The following SETDB2 variants were observed in gnomAD, a reference collection of about 807,000 sequenced individuals.
The protein encoded by SETDB2 is histone-lysine N-methyltransferase SETDB2.
A neutral mutation model predicts 82.5 loss-of-function variants in SETDB2; 56 were observed. That is an observed-to-expected ratio of 0.68 (90% confidence interval 0.55 to 0.85). SETDB2 has a LOEUF of 0.85. Ranked by LOEUF, SETDB2 falls within the 40% of genes least tolerant of loss-of-function variation. SETDB2 has a pLI of 0.00. For missense variants in SETDB2, 677 were observed against 816.4 expected (o/e 0.83, Z 2.08); for synonymous variants, 272 against 284.9 (o/e 0.95, Z 0.46).
chr13:49,448,754 T>C (rs1239550969), intron 1 of SETDB2, among the ~76,000 whole-genome samples: 1 of 152,214 alleles, frequency 6.6e-6, no homozygotes, highest in Non-Finnish European at 1.5e-5. Flanking sequence ...CTATATATTT[T>C]TTGGATTAAG....
At chr13:49,459,142 C>G (rs560661183) in intron 2 of SETDB2, among the ~76,000 whole-genome samples, 1 of 152,204 alleles carries the variant, frequency 6.6e-6, no homozygotes, top group African/African-American at 2.4e-5. Flanking sequence ...CCAGAGGCCA[C>G]TATGTTGGCA....
chr13:49,488,203 C>T, intron 11 of SETDB2, 87 bp from the exon 12 acceptor site: 1 of 1,479,832 alleles, frequency 6.8e-7, no homozygotes, highest in Non-Finnish European at 8.9e-7. Context: ...ATAATTAAAG[C>T]ACCTAGCATC....
At position 49,476,552 on chromosome 13, in the gene SETDB2, T is replaced by C. The variant is rs749017362; in HGVS notation, c.382T>C (p.Leu128=). The part of the protein sequence containing the change: ...DFREKDSSSN[L]SYQSHDCSGA... ...TAGAGAAAAAGACTCATCTTCGAATTTATCTTACCAAAGTCATGACTGCTC... is the reference window on the plus strand; with the variant it reads ...TAGAGAAAAAGACTCATCTTCGAATCTATCTTACCAAAGTCATGACTGCTC... Residue 128 remains leucine, a synonymous_variant, in exon 6 of 14, where the codon TTA becomes CTA. Coordinates refer to ENST00000611815, the MANE Select transcript of SETDB2 (RefSeq NM_001160308.3). The C allele has an allele frequency of 5.0e-6, 8 of 1,613,834 alleles. No individual in the cohort carries two copies. The highest frequency in any genetic ancestry group is 1.6e-4 in the Middle Eastern group (1 of 6,082).
chr13:49,491,469 A>C (rs1405934068), intron 13 of SETDB2, among the ~76,000 whole-genome samples: 1 of 152,246 alleles, frequency 6.6e-6, no homozygotes, highest in East Asian at 1.9e-4. Context: ...GCAGGCCTCA[A>C]CACATGACTG....
chr13:49,471,663 C>T (rs1958244318), intron 5 of SETDB2, among the ~76,000 whole-genome samples: 1 of 151,664 alleles, frequency 6.6e-6, no homozygotes, highest in Non-Finnish European at 1.5e-5. Flanking sequence ...TAAAAACATG[C>T]ACACACATGT....
chr13:49,450,190 C>G (rs1423449037), intron 1 of SETDB2, among the ~76,000 whole-genome samples: 2 of 152,174 alleles, frequency 1.3e-5, no homozygotes, highest in Non-Finnish European at 2.9e-5. Context: ...CTGGTTGGTA[C>G]TCAGTGGATT....
intron 5 of SETDB2, among the ~76,000 whole-genome samples, 197 bp from the exon 6 acceptor site, chr13:49,476,279 A>G (rs1958359032): frequency 6.6e-6 from 1 of 152,224 alleles, no homozygotes; most frequent in Non-Finnish European, 1.5e-5. Context: ...CCTGGGCAAC[A>G]TAGGAAGACC....
intron 6 of SETDB2, among the ~76,000 whole-genome samples, chr13:49,477,398 G>A (rs564692755): frequency 2.6e-5 from 4 of 152,060 alleles, no homozygotes; most frequent in African/African-American, 9.6e-5. Flanking sequence ...ATCACACACT[G>A]TACCAGAGGC....
chr13:49,488,481 A>G lies in SETDB2; in HGVS notation c.1768A>G (p.Thr590Ala), dbSNP rs1417465747. 6.2e-7 allele frequency: 1 copy of G among 1,614,176 alleles called. No homozygotes were observed. Among genetic ancestry groups the G allele is most frequent in the Admixed American group, 1.7e-5 (1 of 60,030 alleles). ...TCAGAAACCCCAAGAGGGACGATCT[A>G]CAGCATGTCAAAGACAGCAGGTATT... Reference protein sequence around the residue: ...QIQKPQEGRSTACQRQQVFCD... With the variant: ...QIQKPQEGRSAACQRQQVFCD... Residue 590 changes from threonine to alanine, a missense_variant, in exon 12 of 14, where the codon ACA becomes GCA. Transcript: ENST00000611815.
chr13:49,461,054 A>C lies in SETDB2; in HGVS notation c.143-43A>C, dbSNP rs754110757. Reference sequence around the variant, plus strand: ...ATTGTTTAGCACAGTAGCTGGCACCATAAATAAAGGTAATGGTGATGCTGT... The same window carrying C: ...ATTGTTTAGCACAGTAGCTGGCACCCTAAATAAAGGTAATGGTGATGCTGT... On this transcript the variant is annotated intron_variant, in intron 3 of 13. Coordinates refer to ENST00000611815, the MANE Select transcript of SETDB2 (RefSeq NM_001160308.3). 9.6e-6 allele frequency: 14 copies of C among 1,463,900 alleles called. No homozygotes were observed. In the South Asian group the frequency reaches 1.4e-4, roughly 14 times the overall value. The allele number at this position is 1,463,900 out of a possible 1,614,324, so 90.7% of individuals were successfully genotyped here.
intron 4 of SETDB2, among the ~76,000 whole-genome samples, chr13:49,463,638 G>A (rs141841279): frequency 6.6e-6 from 1 of 152,332 alleles, no homozygotes; most frequent in African/African-American, 2.4e-5. Context: ...TTTCTCTAGT[G>A]CCTAGCACAG....
At position 49,488,281 on chromosome 13, in the gene SETDB2, G is replaced by C. The variant is rs1453197677; in HGVS notation, c.1577-9G>C. Reference sequence around the variant, plus strand: ...ATTTCCTGATGTTTCCTTCCAAAATGTCTATTAGAGGACTCAAGTTCAAAC... The same window carrying C: ...ATTTCCTGATGTTTCCTTCCAAAATCTCTATTAGAGGACTCAAGTTCAAAC... On this transcript the variant is annotated splice_polypyrimidine_tract_variant and intron_variant, in intron 11 of 13. Transcript: ENST00000611815. The C allele has an allele frequency of 8.3e-6, 13 of 1,561,196 alleles. No individual in the cohort carries two copies. Among genetic ancestry groups the C allele is most frequent in the Non-Finnish European group, 1.1e-5 (13 of 1,160,624 alleles).
intron 5 of SETDB2, among the ~76,000 whole-genome samples, chr13:49,474,819 A>G (rs976513578): frequency 2.6e-5 from 4 of 152,212 alleles, no homozygotes; most frequent in African/African-American, 9.6e-5. Flanking sequence ...TGGCTGTTTA[A>G]ATCTGAATTA....
At chr13:49,445,345 T>G (rs1398148665) in intron 1 of SETDB2, among the ~76,000 whole-genome samples, 1 of 152,212 alleles carries the variant, frequency 6.6e-6, no homozygotes, top group African/African-American at 2.4e-5. Flanking sequence ...ATGGTAAACG[T>G]GTTTTTAAAG....
intron 2 of SETDB2, 128 bp from the exon 3 acceptor site, chr13:49,459,979 G>A: frequency 2.3e-6 from 2 of 871,116 alleles, no homozygotes; most frequent in Admixed American, 3.0e-5. Context: ...TTTTCCTCAA[G>A]GAAAATGATA....
intron 2 of SETDB2, among the ~76,000 whole-genome samples, chr13:49,456,952 AATAAGGAAGTC>A (rs1957893651): frequency 6.6e-6 from 1 of 152,250 alleles, no homozygotes; most frequent in African/African-American, 2.4e-5. Context: ...AATATGAGAT[AATAAGGAAGTC>A]ATAAGGAACA....
At chr13:49,446,402 T>C (rs746024097) in intron 1 of SETDB2, 4 of 456,286 alleles carry the variant, frequency 8.8e-6, no homozygotes, top group South Asian at 4.7e-5. Flanking sequence ...GTACAAGGAA[T>C]GTTCCCTCAC....
chr13:49,483,620 T>TG, intron 10 of SETDB2, 57 bp downstream of exon 10: 1 of 222,564 alleles, frequency 4.5e-6, no homozygotes, highest in South Asian at 5.6e-5. Flanking sequence ...TTTTTTTTTT[T>TG]TTTTTTTTTT....
intron 6 of SETDB2, among the ~76,000 whole-genome samples, chr13:49,478,724 C>T (rs756588853): frequency 1.3e-5 from 2 of 152,072 alleles, no homozygotes; most frequent in Admixed American, 6.6e-5. Flanking sequence ...CCCAGGAGTT[C>T]GAGACCAGCC....
Sources: gnomAD v4.1 joint callset for allele counts (sites outside exome capture counted in the v4.1 genomes callset) on GRCh38, gnomAD v4.1.1 for gene constraint, MANE v1.5 for transcripts, NCBI Gene and HGNC (gene_info 2026-07-23, HGNC 2026-07-21) for gene names.